The following VWA5A variants were observed in gnomAD, a reference collection of about 807,000 sequenced individuals.
VWA5A encodes von Willebrand factor A domain containing 5A, also known as von Willebrand factor A domain-containing protein 5A.
VWA5A carries 77 observed loss-of-function variants against 84.6 expected under a neutral mutation model. That is an observed-to-expected ratio of 0.91 (90% CI 0.76 to 1.10). The LOEUF (loss-of-function observed/expected upper bound fraction) is 1.10, where lower values mean the gene tolerates loss of function less well. VWA5A is among the 50% of genes least tolerant of loss of function. VWA5A has a pLI of 0.00. For synonymous variants in VWA5A, 334 were observed against 350.1 expected (o/e 0.95, Z 0.51); for missense variants, 973 against 963.0 (o/e 1.01, Z -0.14).
At position 124,130,674 on chromosome 11, in the gene VWA5A, C is replaced by T. The variant is rs180830740; in HGVS notation, c.1245-4246C>T. Among the ~76,000 whole-genome samples the T allele has an allele frequency of 4.1e-3, 628 of 152,208 alleles. 12 individuals carry two copies. The highest frequency in any genetic ancestry group is 0.038 in the Admixed American group (587 of 15,278). On this transcript the variant is annotated intron_variant, in intron 11 of 18. Transcript: ENST00000456829. ...AATCTGTGTGCTCCTATATTGGGTG[C>T]ATATATATTTAGGATAGTTAGCTCT...
At chr11:124,143,097 A>G (rs1398727391) in intron 17 of VWA5A, among the ~76,000 whole-genome samples, 2 of 152,188 alleles carry the variant, frequency 1.3e-5, no homozygotes, top group African/African-American at 2.4e-5. Context: ...GAGAACCCCC[A>G]ATAATAACCT....
At chr11:124,127,141 A>C (rs553805846) in intron 11 of VWA5A, among the ~76,000 whole-genome samples, 3 of 152,222 alleles carry the variant, frequency 2.0e-5, no homozygotes, top group African/African-American at 7.2e-5. Flanking sequence ...TCTGCATTAG[A>C]TATTTCTAAT....
At chr11:124,136,874 A>G (rs1481769730) in intron 14 of VWA5A, 141 bp from the exon 15 acceptor site, 15 of 1,261,358 alleles carry the variant, frequency 1.2e-5, no homozygotes, top group Non-Finnish European at 1.6e-5. Flanking sequence ...ATCATTTTTT[A>G]TTTCTAAACC....
Position 124,145,277 on chromosome 11 carries a change from T to A in VWA5A, c.2195T>A (p.Ile732Asn), listed in dbSNP as rs1264696766. 1 of 1,613,852 alleles carries A rather than the reference T, an allele frequency of 6.2e-7. No individual in the cohort carries two copies. Residue 732 changes from isoleucine (I) to asparagine (N), a missense_variant, in exon 18 of 19, where the codon ATC (isoleucine) becomes AAC (asparagine). Transcript: ENST00000456829. ...GGCTGGGCCACCATCCTGGCCGTGA[T>A]CTGGCTGCACAGCAATGGTAAGGAC... ...SSGWATILAV[I>N]WLHSNGKDLK...
chr11:124,120,145 C>T (rs1864908610), intron 7 of VWA5A, among the ~76,000 whole-genome samples: 1 of 152,150 alleles, frequency 6.6e-6, no homozygotes, highest in Non-Finnish European at 1.5e-5. Flanking sequence ...TTTGCCCTAG[C>T]TTCTTAATTT....
intron 6 of VWA5A, 56 bp from the exon 7 acceptor site, chr11:124,118,919 C>T: frequency 6.4e-7 from 1 of 1,562,294 alleles, no homozygotes; most frequent in Non-Finnish European, 8.8e-7. Flanking sequence ...AACCTCAGCC[C>T]CAAGAAGCAA....
chr11:124,132,735 G>A (rs1865116536), intron 11 of VWA5A, among the ~76,000 whole-genome samples: 1 of 151,944 alleles, frequency 6.6e-6, no homozygotes, highest in African/African-American at 2.4e-5. Flanking sequence ...TCATATAAGT[G>A]TTTTCTATTT....
In VWA5A at chr11:124,123,846, G is replaced by A. The variant is rs775770606; in HGVS notation, c.1164+42G>A. The A allele has an allele frequency of 5.2e-6, 8 of 1,526,142 alleles. No individual in the cohort carries two copies. The South Asian group carries it at 1.1e-4, about 20-fold the overall frequency. 94.5% of individuals were successfully genotyped at this position (1,526,142 alleles called of 1,614,324 possible). A position where few individuals can be genotyped will look rare whatever the true frequency, so the allele number is the denominator to read the frequency against. On this transcript the variant is annotated intron_variant, in intron 10 of 18. Transcript: ENST00000456829. The stretch of plus-strand genomic sequence containing the variant: ...AGCTAACAGAAGAGACAGGAAGTGT[G>A]AAATCTCTAAGAATCTATGCCCCTG...
rs1236058818 is a variant in VWA5A at position 124,118,698 on chromosome 11, C to A, written c.635C>A (p.Thr212Asn). Residue 212 changes from threonine to asparagine, a missense_variant, in exon 6 of 19, where the codon ACT becomes AAT. Physicochemically the swap from Thr to Asn is moderately conservative, Grantham distance 65. Transcript: ENST00000456829. ...ACCGAGTACCTAGGAGAGGACAAGA[C>A]TTCTGCTCAGGTAGTTAATGAGAGA... ...SPTEYLGEDK[T>N]SAQVSLAAGH... 1.2e-6 allele frequency: 2 copies of A among 1,613,578 alleles called. No individual in the cohort carries two copies. Among genetic ancestry groups the A allele is most frequent in the Admixed American group, 1.7e-5 (1 of 59,898 alleles).
Position 124,119,062 on chromosome 11 carries a change from G to C in VWA5A, c.733G>C (p.Glu245Gln), listed in dbSNP as rs1196346158. Residue 245 changes from glutamate to glutamine, a missense_variant, in exon 7 of 19, where the codon GAG becomes CAG. Glu to Gln is a conservative substitution (Grantham distance 29). Transcript: ENST00000456829. ...NEVHTPSVVL[E>Q]MGMPNMKPGH... The stretch of plus-strand genomic sequence containing the variant: ...GGTGCATACCCCCAGCGTGGTTTTG[G>C]AGATGGGGATGCCTAACATGAAGCC... 2 of 1,614,192 alleles carry C rather than the reference G, an allele frequency of 1.2e-6. No homozygotes were observed. Among genetic ancestry groups the C allele is most frequent in the East Asian group, 4.5e-5 (2 of 44,888 alleles).
Position 124,136,256 on chromosome 11 carries a change from G to T in VWA5A, c.1487G>T (p.Arg496Ile), listed in dbSNP as rs766331846. 2 of 1,614,152 alleles carry T rather than the reference G, an allele frequency of 1.2e-6. No individual in the cohort carries two copies. Among genetic ancestry groups the T allele is most frequent in the Non-Finnish European group, 1.7e-6 (2 of 1,180,032 alleles). Reference protein sequence around the residue: ...PEQTVIFRGQRLISYAQLTGR... With the variant: ...PEQTVIFRGQILISYAQLTGR... ...CAGACTGTCATCTTTAGGGGTCAGAGATTAATCAGCTATGCCCAGCTGACC... is the reference window on the plus strand; with the variant it reads ...CAGACTGTCATCTTTAGGGGTCAGATATTAATCAGCTATGCCCAGCTGACC... The change falls in exon 13 of 19, where the codon AGA (arginine) becomes ATA (isoleucine). Residue 496 changes from arginine (R) to isoleucine (I), a missense_variant. Physicochemically the swap from Arg to Ile is moderately conservative, Grantham distance 97. Coordinates refer to ENST00000456829, the MANE Select transcript of VWA5A (RefSeq NM_001130142.2).
chr11:124,123,481 G>A (rs1317901057), intron 9 of VWA5A, 27 bp downstream of exon 9: 1 of 1,610,486 alleles, frequency 6.2e-7, no homozygotes, highest in East Asian at 2.2e-5. Flanking sequence ...ACAATAGGGA[G>A]TACAAAACGA....
chr11:124,121,966 G>C (rs1405955227), intron 7 of VWA5A, among the ~76,000 whole-genome samples: 1 of 152,126 alleles, frequency 6.6e-6, no homozygotes, highest in Non-Finnish European at 1.5e-5. Context: ...TTGTGTAAAT[G>C]TTATTTTTTG....
chr11:124,137,148 G>T lies in VWA5A; in HGVS notation c.1759G>T (p.Ala587Ser), dbSNP rs1163673588. Reference sequence around the variant, plus strand: ...GTCTGGTGTCATAAGCTCCTTCACAGCTTTCATTGCTATCAATAAGGAGCT... The same window carrying T: ...GTCTGGTGTCATAAGCTCCTTCACATCTTTCATTGCTATCAATAAGGAGCT... Reference protein sequence around the residue: ...LESGVISSFTAFIAINKELNK... With the variant: ...LESGVISSFTSFIAINKELNK... Residue 587 changes from alanine to serine, a missense_variant, in exon 15 of 19, where the codon GCT becomes TCT. Coordinates refer to ENST00000456829, the MANE Select transcript of VWA5A (RefSeq NM_001130142.2). 1 of 1,614,048 alleles carries T rather than the reference G, an allele frequency of 6.2e-7. No individual in the cohort carries two copies. Among genetic ancestry groups the T allele is most frequent in the South Asian group, 1.1e-5 (1 of 91,080 alleles).
Position 124,128,674 on chromosome 11 carries a change from G to A in VWA5A, c.1244+4358G>A, listed in dbSNP as rs370360809. ...TTATTTCCTTGAACGGTGGTTTTTAGTTCTCCTTGAAGAGGTCCTTCACAT... is the reference window on the plus strand; with the variant it reads ...TTATTTCCTTGAACGGTGGTTTTTAATTCTCCTTGAAGAGGTCCTTCACAT... On this transcript the variant is annotated intron_variant, in intron 11 of 18. Transcript: ENST00000456829. Among the ~76,000 whole-genome samples, 23 of 152,172 alleles carry A rather than the reference G, an allele frequency of 1.5e-4. 2 individuals are homozygous for A. The highest frequency in any genetic ancestry group is 7.2e-4 in the Admixed American group (11 of 15,292).
At position 124,147,376 on chromosome 11, in the gene VWA5A, A is replaced by G. The variant is rs928887555; in HGVS notation, c.*1431A>G. The G allele has an allele frequency of 6.6e-6, 1 of 152,234 alleles. No homozygotes were observed. Among genetic ancestry groups the G allele is most frequent in the Non-Finnish European group, 1.5e-5 (1 of 68,042 alleles). The allele number at this position is 152,234 out of a possible 1,614,324, so 9.4% of individuals were successfully genotyped here. On this transcript the variant is annotated 3_prime_UTR_variant, in exon 19 of 19. Coordinates refer to ENST00000456829, the MANE Select transcript of VWA5A (RefSeq NM_001130142.2). ...AACTAGAACTTTATTAACACTTTCG[A>G]GTTCCACTCAGAATTCCTAGAGGAA...
At chr11:124,121,706 C>G (rs942592688) in intron 7 of VWA5A, among the ~76,000 whole-genome samples, 2 of 152,174 alleles carry the variant, frequency 1.3e-5, no homozygotes, top group Non-Finnish European at 2.9e-5. Context: ...AACAAAGAAG[C>G]TGAGACTCAT....
chr11:124,146,582 A>C lies in VWA5A; in HGVS notation c.*637A>C, dbSNP rs1225297431. The C allele has an allele frequency of 6.6e-6, 1 of 152,560 alleles. No individual in the cohort carries two copies. Among genetic ancestry groups the C allele is most frequent in the South Asian group, 2.1e-4 (1 of 4,826 alleles). 9.5% of individuals were successfully genotyped at this position (152,560 alleles called of 1,614,324 possible). A position where few individuals can be genotyped will look rare whatever the true frequency, so the allele number is the denominator to read the frequency against. ...CTGCCTGAAAGACTTGGGTTGAACT[A>C]TAACTGTTGGAGAGAGATGTTCCTC... is the stretch of plus-strand genomic sequence containing the variant. On this transcript the variant is annotated 3_prime_UTR_variant, in exon 19 of 19. Transcript: ENST00000456829.
intron 6 of VWA5A, 79 bp downstream of exon 6, chr11:124,118,787 A>G: frequency 6.5e-7 from 1 of 1,526,808 alleles, no homozygotes; most frequent in Non-Finnish European, 8.9e-7. Context: ...AGTTCTTCCC[A>G]AGTGGTAACC....
Sources: gnomAD v4.1 joint callset for allele counts (sites outside exome capture counted in the v4.1 genomes callset) on GRCh38, gnomAD v4.1.1 for gene constraint, MANE v1.5 for transcripts, NCBI Gene and HGNC (gene_info 2026-07-23, HGNC 2026-07-21) for gene names.